ZEB1: variants seen among roughly 807,000 people sequenced by gnomAD.
The protein encoded by ZEB1 is zinc finger E-box binding homeobox 1, also known as zinc finger E-box-binding homeobox 1.
In ZEB1, 21 loss-of-function variants were observed where a neutral mutation model predicts 84.9. That is an observed-to-expected ratio of 0.25 (90% CI 0.18 to 0.36). ZEB1 has a LOEUF of 0.36. Among genes scored for constraint, ZEB1 ranks in the 10% least tolerant of loss-of-function variants. The pLI, the probability that ZEB1 is intolerant of heterozygous loss-of-function variation, is 1.00. For missense variants in ZEB1, 1,104 were observed against 1,330.2 expected, an observed-to-expected ratio of 0.83 and a Z score of 2.65; for synonymous variants, 420 against 471.1, an observed-to-expected ratio of 0.89 and a Z score of 1.41.
chr10:31,518,180 C>G (rs2071529069), intron 6 of ZEB1, among the ~76,000 whole-genome samples: 1 of 152,052 alleles, frequency 6.6e-6, no homozygotes, highest in Non-Finnish European at 1.5e-5. Flanking sequence ...CCACTGGAAA[C>G]TTTTGTCTGT....
chr10:31,457,359 G>A (rs1057026571), intron 1 of ZEB1, among the ~76,000 whole-genome samples: 1 of 152,046 alleles, frequency 6.6e-6, no homozygotes, highest in Admixed American at 6.6e-5. Flanking sequence ...AGAAATACAA[G>A]TAAGCTTGAC....
intron 2 of ZEB1, among the ~76,000 whole-genome samples, chr10:31,461,926 T>G (rs948119728): frequency 6.6e-6 from 1 of 152,198 alleles, no homozygotes; most frequent in African/African-American, 2.4e-5. Flanking sequence ...CTTGCCAGGT[T>G]AAGCACCAAT....
chr10:31,473,532 A>G (rs1309045588), intron 2 of ZEB1, among the ~76,000 whole-genome samples: 2 of 152,000 alleles, frequency 1.3e-5, no homozygotes, highest in Non-Finnish European at 2.9e-5. Flanking sequence ...AAGGAGAACT[A>G]CAAACCACTG....
chr10:31,466,559 C>G (rs187085508), intron 2 of ZEB1, among the ~76,000 whole-genome samples: 1 of 152,052 alleles, frequency 6.6e-6, no homozygotes, highest in Admixed American at 6.5e-5. Context: ...TATCTTGAAA[C>G]AAACAAAAAT....
At chr10:31,482,701 T>A (rs2065201589) in intron 2 of ZEB1, among the ~76,000 whole-genome samples, 1 of 152,072 alleles carries the variant, frequency 6.6e-6, no homozygotes, top group Admixed American at 6.6e-5. Context: ...TGAAAATTTC[T>A]GATCAAAATG....
At chr10:31,442,500 A>G (rs181445583) in intron 1 of ZEB1, among the ~76,000 whole-genome samples, 231 of 152,296 alleles carry the variant, frequency 1.5e-3, no homozygotes, top group African/African-American at 4.6e-3. Context: ...TGGCACATGT[A>G]TACATATGTA....
intron 1 of ZEB1, among the ~76,000 whole-genome samples, chr10:31,437,184 T>C (rs760057925): frequency 3.3e-5 from 5 of 152,194 alleles, no homozygotes; most frequent in Admixed American, 6.6e-5. Flanking sequence ...AGGATTCTTA[T>C]AGTATTTATT....
intron 1 of ZEB1, among the ~76,000 whole-genome samples, chr10:31,439,822 CAA>C (rs1309397812): frequency 6.6e-6 from 1 of 152,048 alleles, no homozygotes; most frequent in East Asian, 1.9e-4. Flanking sequence ...AAGTAGAAGA[CAA>C]AGTCTGAGAG....
At chr10:31,333,494 G>A (rs968312282) in intron 1 of ZEB1, among the ~76,000 whole-genome samples, 9 of 152,054 alleles carry the variant, frequency 5.9e-5, no homozygotes, top group African/African-American at 7.2e-5. Flanking sequence ...TTATTGATTA[G>A]CTACGGGTAG....
In ZEB1 at chr10:31,333,576, A is replaced by C. The variant is rs145034746; in HGVS notation, c.58+14284A>C. ...AAAATCTAGAAGGTATGTGTACCTT[A>C]CAAACTAGTAGAGAAGGGAAGTAGA... On this transcript the variant is annotated intron_variant, in intron 1 of 8. Coordinates refer to ENST00000424869, the MANE Select transcript of ZEB1 (RefSeq NM_001174096.2). 6.5e-3 allele frequency among the ~76,000 whole-genome samples: 985 copies of C among 152,198 alleles called. 16 individuals carry two copies. The highest frequency in any genetic ancestry group is 0.023 in the African/African-American group (947 of 41,542).
intron 1 of ZEB1, among the ~76,000 whole-genome samples, chr10:31,376,284 AT>A (rs1307051324): frequency 1.3e-5 from 2 of 151,750 alleles, no homozygotes; most frequent in Non-Finnish European, 3.0e-5. Context: ...ATACCTTGCA[AT>A]TGATCTGTAG....
At chr10:31,455,064 T>G (rs2061036962) in intron 1 of ZEB1, among the ~76,000 whole-genome samples, 1 of 151,936 alleles carries the variant, frequency 6.6e-6, no homozygotes, top group Non-Finnish European at 1.5e-5. Flanking sequence ...TCAAAATAGA[T>G]ATATAGACCA....
intron 1 of ZEB1, among the ~76,000 whole-genome samples, chr10:31,364,300 G>T (rs2044010258): frequency 6.6e-6 from 1 of 152,198 alleles, no homozygotes; most frequent in Non-Finnish European, 1.5e-5. Flanking sequence ...GGGATATCCT[G>T]CTCCTGGGGG....
intron 6 of ZEB1, among the ~76,000 whole-genome samples, chr10:31,518,376 C>T (rs2071589814): frequency 6.6e-6 from 1 of 152,098 alleles, no homozygotes; most frequent in Non-Finnish European, 1.5e-5. Flanking sequence ...TATAGCAGCT[C>T]TTGATCCATT....
intron 1 of ZEB1, among the ~76,000 whole-genome samples, chr10:31,455,764 G>A (rs532382640): frequency 1.3e-5 from 2 of 152,306 alleles, no homozygotes; most frequent in South Asian, 2.1e-4. Context: ...AACAACAGGT[G>A]CTGGAGAGGA....
chr10:31,432,243 G>A (rs1186747883), intron 1 of ZEB1, among the ~76,000 whole-genome samples: 5 of 152,116 alleles, frequency 3.3e-5, no homozygotes, highest in African/African-American at 1.2e-4. Flanking sequence ...CACTTGAAAT[G>A]TATGCTGTAT....
intron 1 of ZEB1, chr10:31,387,117 C>T (rs1483136891): frequency 1.1e-5 from 11 of 985,686 alleles, no homozygotes; most frequent in Middle Eastern, 5.2e-4. Context: ...CTTCTCTCCT[C>T]CCTTAGGACA....
intron 1 of ZEB1, among the ~76,000 whole-genome samples, chr10:31,334,058 GAAGA>G (rs1170659173): frequency 5.9e-5 from 9 of 151,960 alleles, no homozygotes; most frequent in Non-Finnish European, 8.8e-5. Flanking sequence ...TAGGACTGCA[GAAGA>G]AATAGGTAAA....
chr10:31,513,539 A>G (rs758880127), intron 5 of ZEB1, among the ~76,000 whole-genome samples: 3 of 152,174 alleles, frequency 2.0e-5, no homozygotes, highest in Non-Finnish European at 4.4e-5. Flanking sequence ...ATTTTAAGTC[A>G]TGGGTTTTAG....
Sources: gnomAD v4.1 joint callset for allele counts (sites outside exome capture counted in the v4.1 genomes callset) on GRCh38, gnomAD v4.1.1 for gene constraint, MANE v1.5 for transcripts, NCBI Gene and HGNC (gene_info 2026-07-23, HGNC 2026-07-21) for gene names.